ORC1: variants seen among roughly 807,000 people sequenced by gnomAD.
ORC1 encodes the protein origin recognition complex subunit 1.
Under a neutral mutation model 98.9 loss-of-function variants are expected in ORC1, and 61 were observed. The ratio of observed to expected loss-of-function variants is 0.62; its 90% CI spans 0.50 to 0.76. The LOEUF is 0.76. Among genes scored for constraint, ORC1 ranks in the 30% least tolerant of loss-of-function variants. The pLI, the probability that ORC1 is intolerant of heterozygous loss-of-function variation, is 0.00. For missense variants in ORC1, 979 were observed against 1,072.2 expected (o/e 0.91, Z 1.21); for synonymous variants, 385 against 406.9 (o/e 0.95, Z 0.65).
chr1:52,388,353 A>G lies in ORC1; in HGVS notation c.1383+89T>C, dbSNP rs1288699478. 5 of 1,040,598 alleles carry G rather than the reference A, an allele frequency of 4.8e-6. No homozygotes were observed. The African/African-American group carries it at 7.8e-5, about 16-fold the overall frequency. 64.5% of individuals were successfully genotyped at this position (1,040,598 alleles called of 1,614,324 possible). A position where few individuals can be genotyped will look rare whatever the true frequency, so the allele number is the denominator to read the frequency against. ...TATAACAGATCTGTCCTCAGATTCC[A>G]GCTGTTACTAATCTGTGACTTCAGC... On this transcript the variant is annotated intron_variant, in intron 8 of 16. Coordinates refer to ENST00000371568, the MANE Select transcript of ORC1 (RefSeq NM_004153.4).
At chr1:52,392,186 G>A (rs1436169682) in intron 6 of ORC1, among the ~76,000 whole-genome samples, 4 of 151,266 alleles carry the variant, frequency 2.6e-5, no homozygotes, top group African/African-American at 7.3e-5. Context: ...CTGGAGTGCA[G>A]TGGCGCGACC....
At chr1:52,401,555 G>C in intron 2 of ORC1, 66 bp from the exon 3 acceptor site, 2 of 1,577,154 alleles carry the variant, frequency 1.3e-6, no homozygotes, top group South Asian at 2.2e-5. Context: ...CAGATCCCCT[G>C]GGCACAAAGG....
chr1:52,387,874 GCT>G (rs1458647036), intron 8 of ORC1, among the ~76,000 whole-genome samples: 1 of 152,190 alleles, frequency 6.6e-6, no homozygotes, highest in African/African-American at 2.4e-5. Context: ...AGAATAAGAT[GCT>G]CTGTCAATTT....
At position 52,393,688 on chromosome 1, in the gene ORC1, C is replaced by T. The variant is rs1251927747; in HGVS notation, c.837G>A (p.Gln279=). The T allele has an allele frequency of 6.2e-7, 1 of 1,614,044 alleles. No homozygotes were observed. Among genetic ancestry groups the T allele is most frequent in the Admixed American group, 1.7e-5 (1 of 60,004 alleles). Residue 279 remains glutamine (Q), a synonymous_variant, in exon 6 of 17, where the codon CAG becomes CAA. Transcript: ENST00000371568. Reference sequence around the variant, plus strand: ...GAGACAAGGTTTGAAGTTTATCAGGCTGAGATCTCTTAGAAGGTGAGGTGA... The same window carrying T: ...GAGACAAGGTTTGAAGTTTATCAGGTTGAGATCTCTTAGAAGGTGAGGTGA... ...SEITSPSKRS[Q]PDKLQTLSPA...
chr1:52,389,351 A>G, intron 6 of ORC1, 30 bp from the exon 7 acceptor site: 1 of 1,561,312 alleles, frequency 6.4e-7, no homozygotes. Context: ...GGTCACGGGA[A>G]GCAGTTTTGG....
intron 5 of ORC1, among the ~76,000 whole-genome samples, chr1:52,394,843 T>A (rs1647323253): frequency 6.6e-6 from 1 of 151,998 alleles, no homozygotes; most frequent in Non-Finnish European, 1.5e-5. Context: ...AGAGACGGGG[T>A]TTCACCATGT....
upstream of ORC1, chr1:52,408,845 G>A (rs1648071758): frequency 6.8e-6 from 6 of 885,932 alleles, no homozygotes; most frequent in East Asian, 1.7e-4. Flanking sequence ...CCTCATGGGA[G>A]TTTTCAGTCT....
At chr1:52,376,406 T>G (rs1360750425) in intron 14 of ORC1, among the ~76,000 whole-genome samples, 1 of 151,954 alleles carries the variant, frequency 6.6e-6, no homozygotes, top group Non-Finnish European at 1.5e-5. Flanking sequence ...TCTCAGCTAC[T>G]GGGGAGGCTG....
intron 4 of ORC1, 37 bp from the exon 5 acceptor site, chr1:52,396,401 A>G (rs1285975102): frequency 1.2e-6 from 2 of 1,613,420 alleles, no homozygotes; most frequent in African/African-American, 2.7e-5. Flanking sequence ...GGAAGAGATG[A>G]GCCCCAAGAG....
chr1:52,384,337 C>T (rs922969227), intron 11 of ORC1, among the ~76,000 whole-genome samples: 1 of 152,220 alleles, frequency 6.6e-6, no homozygotes, highest in Non-Finnish European at 1.5e-5. Flanking sequence ...TGGGTAAGTA[C>T]TGGCTTCCTG....
upstream of ORC1, chr1:52,408,446 T>C (rs569349351): frequency 2.8e-5 from 37 of 1,317,626 alleles, no homozygotes; most frequent in South Asian, 4.2e-4. Context: ...ACCTCCACAA[T>C]TGCAGCTTTC....
chr1:52,388,986 A>G (rs373829460), intron 7 of ORC1, among the ~76,000 whole-genome samples: 3 of 152,172 alleles, frequency 2.0e-5, no homozygotes, highest in Admixed American at 6.5e-5. Context: ...TCCCACCAAC[A>G]GTCTTGCTGG....
In ORC1 at chr1:52,394,645, GTTTC is replaced by G. The variant is rs763952268; in HGVS notation, c.722-846_722-843del. On this transcript the variant is annotated intron_variant, in intron 5 of 16. Coordinates refer to ENST00000371568, the MANE Select transcript of ORC1 (RefSeq NM_004153.4). ...AGAAAAAAAAAAGAAAAACTCCCTT[GTTTC>G]TTTCTTTCTTTTTTTCTGAGACAGA... 9.9e-5 allele frequency among the ~76,000 whole-genome samples: 15 copies of G among 152,168 alleles called. 1 individual carries two copies. The highest frequency in any genetic ancestry group is 4.1e-4 in the South Asian group (2 of 4,820).
upstream of ORC1, chr1:52,405,662 A>G: frequency 2.5e-6 from 4 of 1,611,848 alleles, no homozygotes; most frequent in Non-Finnish European, 3.4e-6. Context: ...ATGTTACTGT[A>G]TTGTTTTTGT....
chr1:52,384,524 C>CA, intron 11 of ORC1, 26 bp downstream of exon 11: 1 of 1,610,930 alleles, frequency 6.2e-7, no homozygotes, highest in Non-Finnish European at 8.5e-7. Context: ...CAGCATTTTC[C>CA]AAAAAGCCTA....
chr1:52,389,796 C>G (rs572807740), intron 6 of ORC1, among the ~76,000 whole-genome samples: 3 of 152,300 alleles, frequency 2.0e-5, no homozygotes, highest in African/African-American at 7.2e-5. Context: ...TTTATTTGTA[C>G]AGCAAAGTTT....
intron 14 of ORC1, among the ~76,000 whole-genome samples, chr1:52,376,855 C>T (rs2147911743): frequency 6.6e-6 from 1 of 152,156 alleles, no homozygotes; most frequent in Non-Finnish European, 1.5e-5. Flanking sequence ...AAGGCCCAGC[C>T]AACATGGAAC....
intron 8 of ORC1, 102 bp from the exon 9 acceptor site, chr1:52,386,051 G>A (rs1238371992): frequency 3.5e-6 from 3 of 868,728 alleles, no homozygotes; most frequent in African/African-American, 1.7e-5. Context: ...AAGGAAGAGA[G>A]GTGGTGAATT....
upstream of ORC1, chr1:52,408,277 T>TA (rs776539986): frequency 7.6e-5 from 37 of 485,000 alleles, no homozygotes; most frequent in South Asian, 3.4e-4. Context: ...TTTTGATTCT[T>TA]AGAGTAATCC....
Sources: allele counts gnomAD v4.1 joint callset (sites outside exome capture counted in the v4.1 genomes callset), GRCh38; gene constraint gnomAD v4.1.1; transcripts MANE v1.5; gene names NCBI Gene and HGNC (gene_info 2026-07-23, HGNC 2026-07-21).